Variants in LRRC28 observed in about 807,000 individuals in gnomAD.
The protein encoded by LRRC28 is leucine rich repeat containing 28, also known as leucine-rich repeat-containing protein 28.
Under a neutral mutation model 45.7 loss-of-function variants are expected in LRRC28, and 39 were observed. The ratio of observed to expected loss-of-function variants is 0.85; its 90% CI spans 0.66 to 1.12. The LOEUF (loss-of-function observed/expected upper bound fraction) is 1.12, where lower values mean the gene tolerates loss of function less well. LRRC28 is among the 50% of genes most tolerant of loss of function. The probability of loss-of-function intolerance (pLI) is 0.00; values close to 1 mark genes in which losing one functional copy is unlikely to be tolerated. For synonymous variants in LRRC28, 206 were observed against 178.8 expected, an observed-to-expected ratio of 1.15 and a Z score of -1.22; for missense variants, 435 against 438.5, an observed-to-expected ratio of 0.99 and a Z score of 0.07.
chr15:99,312,250 C>T (rs72758818), intron 5 of LRRC28, among the ~76,000 whole-genome samples: 2,722 of 152,330 alleles, frequency 0.018, 35 homozygotes, highest in South Asian at 0.032. Context: ...TGCTCCTAGG[C>T]TACAAACCTG....
intron 5 of LRRC28, among the ~76,000 whole-genome samples, chr15:99,298,749 C>G (rs1160097298): frequency 1.3e-5 from 2 of 152,186 alleles, no homozygotes; most frequent in Non-Finnish European, 2.9e-5. Flanking sequence ...CGCTCTGTTG[C>G]GCAGGCTGGA....
At chr15:99,322,807 A>G (rs188668199) in intron 5 of LRRC28, among the ~76,000 whole-genome samples, 649 of 152,278 alleles carry the variant, frequency 4.3e-3, no homozygotes, top group Non-Finnish European at 6.7e-3. Context: ...GGGCAAGACA[A>G]TCCCTGCCCT....
chr15:99,304,617 T>C lies in LRRC28; in HGVS notation c.385+16666T>C, dbSNP rs1254950049. Among the ~76,000 whole-genome samples the C allele has an allele frequency of 2.0e-5, 3 of 152,040 alleles. No individual in the cohort carries two copies. The East Asian group carries it at 5.8e-4, about 29-fold the overall frequency. ...GGCTCATTTATTTATTTATTTATTT[T>C]TGTATTTTTAGTAGAGACGGGGTTT... is the stretch of plus-strand genomic sequence containing the variant. On this transcript the variant is annotated intron_variant, in intron 5 of 9. Transcript: ENST00000301981.
chr15:99,349,117 G>A (rs1956789630), intron 6 of LRRC28, among the ~76,000 whole-genome samples: 1 of 152,104 alleles, frequency 6.6e-6, no homozygotes, highest in African/African-American at 2.4e-5. Context: ...TTTATACGTT[G>A]AAATGTATCC....
At chr15:99,364,507 C>T (rs974934975) in intron 9 of LRRC28, among the ~76,000 whole-genome samples, 6 of 152,110 alleles carry the variant, frequency 3.9e-5, no homozygotes, top group Non-Finnish European at 8.8e-5. Flanking sequence ...ATCAGATAAC[C>T]AGATTTGGTG....
chr15:99,255,449 G>C (rs948788896), intron 1 of LRRC28, among the ~76,000 whole-genome samples: 16 of 152,138 alleles, frequency 1.1e-4, no homozygotes, highest in African/African-American at 3.9e-4. Flanking sequence ...TGAAGAAAAT[G>C]AAGCTATTAG....
chr15:99,285,498 A>T lies in LRRC28; in HGVS notation c.210-1759A>T, dbSNP rs555596545. On this transcript the variant is annotated intron_variant, in intron 3 of 9. Coordinates refer to ENST00000301981, the MANE Select transcript of LRRC28 (RefSeq NM_144598.5). ...GCTCAGAGTGACTCCTCAGGCTCTC[A>T]TCGGTTGTTTCAAAGCTCAGGCCTC... 4.7e-5 allele frequency: 50 copies of T among 1,061,320 alleles called. No individual in the cohort carries two copies. The South Asian group carries it at 6.8e-4, about 14-fold the overall frequency. The allele number at this position is 1,061,320 out of a possible 1,614,324, so 65.7% of individuals were successfully genotyped here.
intron 6 of LRRC28, among the ~76,000 whole-genome samples, chr15:99,341,206 T>C (rs1956498906): frequency 6.7e-6 from 1 of 148,512 alleles, no homozygotes; most frequent in Admixed American, 6.8e-5. Context: ...TTCTCCTGCC[T>C]CAGCCTCCCG....
At chr15:99,356,674 G>A (rs1957056240) in intron 7 of LRRC28, among the ~76,000 whole-genome samples, 1 of 152,170 alleles carries the variant, frequency 6.6e-6, no homozygotes, top group Non-Finnish European at 1.5e-5. Flanking sequence ...TCCCAAATTT[G>A]ATGAGAAACA....
At chr15:99,341,634 T>C (rs1452780208) in intron 6 of LRRC28, among the ~76,000 whole-genome samples, 1 of 152,116 alleles carries the variant, frequency 6.6e-6, no homozygotes, top group Non-Finnish European at 1.5e-5. Context: ...TGGGACATGA[T>C]TAATGTGAAG....
At chr15:99,286,143 G>A (rs1033261322) in intron 3 of LRRC28, among the ~76,000 whole-genome samples, 5 of 152,076 alleles carry the variant, frequency 3.3e-5, no homozygotes, top group Non-Finnish European at 5.9e-5. Flanking sequence ...GTTTGTTTTT[G>A]TTTTTGAGAC....
intron 2 of LRRC28, among the ~76,000 whole-genome samples, chr15:99,267,064 A>G (rs1474579394): frequency 1.3e-5 from 2 of 152,200 alleles, no homozygotes; most frequent in African/African-American, 4.8e-5. Flanking sequence ...ATTTATTTTT[A>G]TAATTTGGAG....
At chr15:99,274,893 C>T (rs1005131288) in intron 2 of LRRC28, among the ~76,000 whole-genome samples, 1 of 152,118 alleles carries the variant, frequency 6.6e-6, no homozygotes, top group Non-Finnish European at 1.5e-5. Flanking sequence ...CCATGTCATC[C>T]TCTTATAATT....
intron 3 of LRRC28, among the ~76,000 whole-genome samples, chr15:99,279,690 C>T (rs750399446): frequency 4.6e-5 from 7 of 152,206 alleles, no homozygotes; most frequent in South Asian, 2.1e-4. Context: ...CTACAACCCA[C>T]GGTTCTTACT....
chr15:99,385,297 A>C (rs1394152197), intron 9 of LRRC28, among the ~76,000 whole-genome samples: 4 of 152,230 alleles, frequency 2.6e-5, no homozygotes, highest in Middle Eastern at 3.2e-3. Flanking sequence ...CCACAGGGAA[A>C]GGCGGACTGT....
chr15:99,266,503 G>A (rs1459953157), intron 2 of LRRC28, among the ~76,000 whole-genome samples: 2 of 152,038 alleles, frequency 1.3e-5, no homozygotes, highest in African/African-American at 4.8e-5. Context: ...TAGTGTTAAG[G>A]ATAATTAATA....
At chr15:99,286,542 G>C (rs1249139185) in intron 3 of LRRC28, among the ~76,000 whole-genome samples, 1 of 152,138 alleles carries the variant, frequency 6.6e-6, no homozygotes, top group Middle Eastern at 3.2e-3. Flanking sequence ...TTATTGTTGT[G>C]TGATCTCCAG....
intron 5 of LRRC28, among the ~76,000 whole-genome samples, chr15:99,308,998 A>C (rs1203944353): frequency 6.6e-6 from 1 of 152,160 alleles, no homozygotes; most frequent in African/African-American, 2.4e-5. Context: ...TTTCTGTATT[A>C]TCACTCCCTT....
At chr15:99,298,390 G>A (rs2082319740) in intron 5 of LRRC28, among the ~76,000 whole-genome samples, 1 of 152,110 alleles carries the variant, frequency 6.6e-6, no homozygotes, top group African/African-American at 2.4e-5. Context: ...AAATGATTTG[G>A]TTTGGGTATT....
Sources: allele counts gnomAD v4.1 joint callset (sites outside exome capture counted in the v4.1 genomes callset), GRCh38; gene constraint gnomAD v4.1.1; transcripts MANE v1.5; gene names NCBI Gene and HGNC (gene_info 2026-07-23, HGNC 2026-07-21).